Variants in MAF observed in about 807,000 individuals in gnomAD.
MAF encodes the protein MAF bZIP transcription factor, also known as transcription factor Maf.
MAF carries 10 observed loss-of-function variants against 22.0 expected under a neutral mutation model. The observed-to-expected ratio is 0.45, with a 90% CI of 0.28 to 0.77. The LOEUF is 0.77. Ranked by LOEUF, MAF falls within the 30% of genes least tolerant of loss-of-function variation. MAF has a pLI of 0.12. For missense variants in MAF, 544 were observed against 548.4 expected, an observed-to-expected ratio of 0.99 and a Z score of 0.08; for synonymous variants, 337 against 255.8, an observed-to-expected ratio of 1.32 and a Z score of -3.03.
the MAF span, among the ~76,000 whole-genome samples, chr16:79,551,904 C>T: frequency 6.6e-6 from 1 of 152,072 alleles, no homozygotes; most frequent in Non-Finnish European, 1.5e-5. Flanking sequence ...TGGAAATTTC[C>T]TGCCAATCCC....
the MAF span, chr16:79,211,692 C>T: frequency 5.4e-4 from 870 of 1,614,216 alleles, 10 homozygotes; most frequent in Admixed American, 9.7e-3. Flanking sequence ...CAACTGCTGC[C>T]GCTGCATGCC....
chr16:79,495,315 A>T, the MAF span, among the ~76,000 whole-genome samples: 4 of 152,164 alleles, frequency 2.6e-5, no homozygotes, highest in Admixed American at 6.5e-5. Flanking sequence ...ATTTTTTTTT[A>T]AATGGGACAT....
At chr16:79,582,054 T>A (rs1912553651), downstream of MAF, among the ~76,000 whole-genome samples, 1 of 152,332 alleles carries the variant, frequency 6.6e-6, no homozygotes, top group East Asian at 1.9e-4. Context: ...GTCTTACTGT[T>A]GTCCTGCCAT....
the MAF span, among the ~76,000 whole-genome samples, chr16:79,406,961 A>T: frequency 2.6e-5 from 4 of 152,134 alleles, no homozygotes; most frequent in Non-Finnish European, 5.9e-5. Context: ...CAAACCGAAC[A>T]GGCAGACTTC....
the MAF span, among the ~76,000 whole-genome samples, chr16:79,572,731 G>A: frequency 1.3e-4 from 20 of 152,128 alleles, no homozygotes; most frequent in East Asian, 3.5e-3. Flanking sequence ...CTTGATCTGC[G>A]CCCTGTCTAC....
chr16:79,486,002 G>T, the MAF span, among the ~76,000 whole-genome samples: 1 of 152,154 alleles, frequency 6.6e-6, no homozygotes. Flanking sequence ...ATAATGGGAG[G>T]AATTTTGGGA....
chr16:79,496,303 G>C, the MAF span, among the ~76,000 whole-genome samples: 1 of 152,184 alleles, frequency 6.6e-6, no homozygotes, highest in African/African-American at 2.4e-5. Flanking sequence ...CATTTCGGAA[G>C]ATTGCAGATG....
chr16:79,598,588 G>A, intron 1 of MAF, 197 bp downstream of exon 1: 3 of 1,443,974 alleles, frequency 2.1e-6, no homozygotes, highest in Non-Finnish European at 2.8e-6. Flanking sequence ...TGGGGTGTGT[G>A]TGTGTGTGTG....
downstream of MAF, among the ~76,000 whole-genome samples, chr16:79,581,926 A>G (rs1168247835): frequency 6.6e-6 from 1 of 152,180 alleles, no homozygotes; most frequent in Non-Finnish European, 1.5e-5. Context: ...CCCACTGAGT[A>G]CCTGACACTA....
the MAF span, among the ~76,000 whole-genome samples, chr16:79,245,444 A>C: frequency 5.3e-5 from 8 of 152,246 alleles, no homozygotes; most frequent in South Asian, 1.7e-3. Flanking sequence ...TGCAGCCAAC[A>C]ATCATGAAAA....
the MAF span, among the ~76,000 whole-genome samples, chr16:79,315,683 A>G: frequency 6.6e-6 from 1 of 152,196 alleles, no homozygotes; most frequent in African/African-American, 2.4e-5. Context: ...TACACTGCCA[A>G]TGCTGGGTGG....
the MAF span, among the ~76,000 whole-genome samples, chr16:79,256,865 A>C: frequency 0.66 from 99,699 of 151,440 alleles, 33,923 homozygotes; most frequent in African/African-American, 0.79. Context: ...CACGCACACA[A>C]ACACACACAC....
the MAF span, among the ~76,000 whole-genome samples, chr16:79,406,818 G>C: frequency 6.6e-6 from 1 of 152,130 alleles, no homozygotes; most frequent in African/African-American, 2.4e-5. Flanking sequence ...ATGTGCCCAA[G>C]AAGGGCAGAG....
In MAF at chr16:79,599,341, C is replaced by T; in HGVS notation, c.562G>A (p.Ala188Thr). The change falls in exon 1 of 2, where the codon GCC (alanine) becomes ACC (threonine). Residue 188 changes from alanine (A) to threonine (T), a missense_variant. Ala to Thr is a moderately conservative substitution (Grantham distance 58). Around this residue, in one of 5 missense-constraint regions of MAF, gnomAD observed 342 missense variants for 315.5 expected, o/e 1.08. Transcript: ENST00000326043. ...GPHYHHHHHH[A>T]AGHHHHPTAG... ...GTCGGGTGGTGGTGGTGGCCGGCGG[C>T]GTGGTGGTGGTGGTGGTGGTAGTGC... 1 of 987,438 alleles carries T rather than the reference C, an allele frequency of 1.0e-6. No homozygotes were observed. The highest frequency in any genetic ancestry group is 1.2e-6 in the Non-Finnish European group (1 of 832,598). The allele number at this position is 987,438 out of a possible 1,614,324, so 61.2% of individuals were successfully genotyped here.
chr16:79,327,590 C>T, the MAF span, among the ~76,000 whole-genome samples: 1 of 152,110 alleles, frequency 6.6e-6, no homozygotes, highest in Non-Finnish European at 1.5e-5. Context: ...CCCAGGGTGG[C>T]CCAAAAGTAA....
At chr16:79,206,243 G>C in the MAF span, 1 of 152,258 alleles carries the variant, frequency 6.6e-6, no homozygotes, top group Non-Finnish European at 1.5e-5. Context: ...CTGAGAAGGC[G>C]GCAGAGCAGG....
chr16:79,483,836 G>A, the MAF span, among the ~76,000 whole-genome samples: 4 of 152,186 alleles, frequency 2.6e-5, no homozygotes, highest in African/African-American at 7.2e-5. Context: ...AATAAGCAAT[G>A]TGATGGTGGT....
At chr16:79,217,092 G>A in the MAF span, among the ~76,000 whole-genome samples, 4 of 152,242 alleles carry the variant, frequency 2.6e-5, no homozygotes, top group Non-Finnish European at 4.4e-5. Context: ...TTACAGGCAT[G>A]AGCCATCGCA....
the MAF span, among the ~76,000 whole-genome samples, chr16:79,532,707 T>C: frequency 2.0e-5 from 3 of 152,328 alleles, no homozygotes; most frequent in South Asian, 4.1e-4. Flanking sequence ...TGAGTGTGTG[T>C]GCGCGTGCAT....
Sources: allele counts gnomAD v4.1 joint callset (sites outside exome capture counted in the v4.1 genomes callset), GRCh38; gene constraint gnomAD v4.1.1; regional missense constraint gnomAD v4.1.1; transcripts MANE v1.5; gene names NCBI Gene and HGNC (gene_info 2026-07-23, HGNC 2026-07-21).